Variants in GTF3C2 observed in about 807,000 individuals in gnomAD.
The protein encoded by GTF3C2 is general transcription factor IIIC subunit 2, also known as general transcription factor 3C polypeptide 2.
A neutral mutation model predicts 117.4 loss-of-function variants in GTF3C2; 17 were observed. The ratio of observed to expected loss-of-function variants is 0.14; its 90% CI spans 0.10 to 0.22. GTF3C2 has a LOEUF of 0.22. Among genes scored for constraint, GTF3C2 ranks in the 10% least tolerant of loss-of-function variants. GTF3C2 has a pLI of 1.00. For synonymous variants in GTF3C2, 437 were observed against 427.0 expected, an observed-to-expected ratio of 1.02 and a Z score of -0.29; for missense variants, 888 against 1,143.6, an observed-to-expected ratio of 0.78 and a Z score of 3.22.
chr2:27,333,811 G>A (rs1459345326), intron 11 of GTF3C2, 27 bp from the exon 12 acceptor site: 1 of 1,599,406 alleles, frequency 6.3e-7, no homozygotes, highest in South Asian at 1.1e-5. Context: ...GATGGGACTA[G>A]GGTTAGGGAC....
At position 27,351,873 on chromosome 2, in the gene GTF3C2, GC is replaced by G. The variant is rs368405936; in HGVS notation, c.-25+4865del. 2.7e-4 allele frequency among the ~76,000 whole-genome samples: 41 copies of G among 152,052 alleles called. No individual in the cohort carries two copies. The South Asian group carries it at 7.5e-3, about 28-fold the overall frequency. On this transcript the variant is annotated intron_variant, in intron 1 of 18. Transcript: ENST00000264720. ...CACTTGCAGACCAACAGTCCCACAC[GC>G]CCCCCATCTTGTAAAAATCTTGTTC...
chr2:27,337,776 T>C (rs949738008), intron 5 of GTF3C2, 150 bp downstream of exon 5: 12 of 709,378 alleles, frequency 1.7e-5, no homozygotes, highest in Admixed American at 4.2e-5. Flanking sequence ...TCTAGAGCTC[T>C]TGCCTCTAGA....
chr2:27,328,176 G>A, exon 17 of GTF3C2: 1 of 1,582,770 alleles, frequency 6.3e-7, no homozygotes, highest in Non-Finnish European at 8.6e-7. Context: ...TATCAGATCT[G>A]CTTTATATAT....
intron 12 of GTF3C2, among the ~76,000 whole-genome samples, chr2:27,330,141 A>AG (rs1680227385): frequency 4.3e-5 from 2 of 46,740 alleles, no homozygotes; most frequent in South Asian, 1.2e-3. Flanking sequence ...ACTCCGTCTC[A>AG]AAAAAAAAAA....
intron 1 of GTF3C2, among the ~76,000 whole-genome samples, chr2:27,349,728 T>A (rs1197603011): frequency 6.6e-6 from 1 of 151,778 alleles, no homozygotes; most frequent in East Asian, 1.9e-4. Context: ...AACCTCTGCC[T>A]CCTGGGTTCA....
chr2:27,340,053 C>G (rs1680667202), intron 4 of GTF3C2: 1 of 151,682 alleles, frequency 6.6e-6, no homozygotes. Context: ...CCACCTTTGC[C>G]CCTCCCACAT....
chr2:27,351,872 C>T (rs985208930), intron 1 of GTF3C2, among the ~76,000 whole-genome samples: 2 of 151,988 alleles, frequency 1.3e-5, no homozygotes, highest in Non-Finnish European at 1.5e-5. Flanking sequence ...CAGTCCCACA[C>T]GCCCCCCATC....
At chr2:27,327,246 C>T in exon 18 of GTF3C2, 1 of 1,609,632 alleles carries the variant, frequency 6.2e-7, no homozygotes, top group East Asian at 2.2e-5. Flanking sequence ...CCTGCATGCG[C>T]AGCATTGGTT....
At chr2:27,325,997 A>C (rs1167741236) in exon 19 of GTF3C2, 2 of 253,220 alleles carry the variant, frequency 7.9e-6, no homozygotes, top group South Asian at 3.8e-5. Flanking sequence ...ATACTCTCTG[A>C]CTTGATATAA....
exon 2 of GTF3C2, chr2:27,343,483 G>C (rs747876286): frequency 7.4e-6 from 12 of 1,614,082 alleles, no homozygotes; most frequent in Non-Finnish European, 1.0e-5. Context: ...GTCCAGGAGA[G>C]TCTACCACAG....
intron 12 of GTF3C2, among the ~76,000 whole-genome samples, chr2:27,332,804 C>G (rs1680324938): frequency 6.6e-6 from 1 of 151,590 alleles, no homozygotes; most frequent in Non-Finnish European, 1.5e-5. Flanking sequence ...CAACCTCCGT[C>G]TCCCAGCTTC....
In GTF3C2 at chr2:27,335,821, C is replaced by T. The variant is rs568613417; in HGVS notation, c.1467+96G>A. On this transcript the variant is annotated intron_variant, in intron 9 of 18. Coordinates refer to ENST00000264720, the Ensembl canonical transcript of GTF3C2. Reference sequence around the variant, plus strand: ...GTTGCTGGAAAAACTCCATCCACTACACTCCAACCTTCGTTCCTTCAACTC... The same window carrying T: ...GTTGCTGGAAAAACTCCATCCACTATACTCCAACCTTCGTTCCTTCAACTC... The T allele has an allele frequency of 6.6e-5, 71 of 1,069,852 alleles. No homozygotes were observed. In the African/African-American group the frequency reaches 9.2e-4, roughly 14 times the overall value. 66.3% of individuals were successfully genotyped at this position (1,069,852 alleles called of 1,614,324 possible).
intron 1 of GTF3C2, among the ~76,000 whole-genome samples, chr2:27,355,520 C>CAAA (rs760768422): frequency 4.7e-5 from 6 of 128,410 alleles, no homozygotes; most frequent in African/African-American, 1.7e-4. Context: ...AACTCCGTAT[C>CAAA]AAAAAAAAAA....
intron 7 of GTF3C2, 21 bp downstream of exon 7, chr2:27,337,223 G>A (rs369886994): frequency 3.6e-6 from 5 of 1,399,440 alleles, no homozygotes; most frequent in Non-Finnish European, 3.0e-6. Context: ...TCAGAAAAAA[G>A]GGCGGATGTG....
chr2:27,336,604 C>T lies in GTF3C2; in HGVS notation c.1128-179G>A, dbSNP rs1680487742. The T allele has an allele frequency of 6.9e-6, 4 of 576,210 alleles. No homozygotes were observed. In the South Asian group the frequency reaches 8.8e-5, roughly 13 times the overall value. 35.7% of individuals were successfully genotyped at this position (576,210 alleles called of 1,614,324 possible). On this transcript the variant is annotated intron_variant, in intron 7 of 18. Coordinates refer to ENST00000264720, the Ensembl canonical transcript of GTF3C2. ...ACTTGTATCTTCCTCCTTTCCTTCC[C>T]AAAGTCTGTCTTATATTATTATTAT...
Position 27,338,028 on chromosome 2 carries a change from T to A in GTF3C2, c.856-8A>T. On this transcript the variant is annotated splice_polypyrimidine_tract_variant and splice_region_variant and intron_variant, in intron 4 of 18. Coordinates refer to ENST00000264720, the Ensembl canonical transcript of GTF3C2. Reference sequence around the variant, plus strand: ...GCAGTGTGGTTTCTGTTTCTGAGGATCAAATTGAAGAAAATATAAGGGAGC... The same window carrying A: ...GCAGTGTGGTTTCTGTTTCTGAGGAACAAATTGAAGAAAATATAAGGGAGC... 6.4e-7 allele frequency: 1 copy of A among 1,571,402 alleles called. No individual in the cohort carries two copies. Among genetic ancestry groups the A allele is most frequent in the African/African-American group, 1.3e-5 (1 of 74,150 alleles).
At chr2:27,328,675 G>C (rs1017781504) in intron 15 of GTF3C2, 79 bp from the exon 16 acceptor site, 1 of 1,258,832 alleles carries the variant, frequency 7.9e-7, no homozygotes, top group Non-Finnish European at 1.1e-6. Flanking sequence ...CAGTCTGAGA[G>C]ACAGACACAC....
In GTF3C2 at chr2:27,329,043, C is replaced by A; in HGVS notation, c.2039+78G>T. ...GTGAACCAACTCTCTACCCTCCTCT[C>A]CCCACAACAATCTGGCATGCTTTGC... On this transcript the variant is annotated intron_variant, in intron 14 of 18. Coordinates refer to ENST00000264720, the Ensembl canonical transcript of GTF3C2. The surrounding 1 kb of genome is among the most constrained non-coding windows in gnomAD (Gnocchi z 4.5). 6.5e-7 allele frequency: 1 copy of A among 1,527,412 alleles called. No homozygotes were observed. 94.6% of individuals were successfully genotyped at this position (1,527,412 alleles called of 1,614,324 possible). A position where few individuals can be genotyped will look rare whatever the true frequency, so the allele number is the denominator to read the frequency against.
chr2:27,334,002 G>A lies in GTF3C2; in HGVS notation c.1577-3C>T. ...ATATATGGCAGGCTTCACTGCATCT[G>A]TGAGGAAAAAGAGCAGGAACTAACT... On this transcript the variant is annotated splice_polypyrimidine_tract_variant and splice_region_variant and intron_variant, in intron 10 of 18. Coordinates refer to ENST00000264720, the Ensembl canonical transcript of GTF3C2. 1 of 1,607,934 alleles carries A rather than the reference G, an allele frequency of 6.2e-7. No individual in the cohort carries two copies. Among genetic ancestry groups the A allele is most frequent in the Non-Finnish European group, 8.5e-7 (1 of 1,174,712 alleles).
Sources: gnomAD v4.1 joint callset for allele counts (sites outside exome capture counted in the v4.1 genomes callset) on GRCh38, gnomAD v4.1.1 for gene constraint, Gnocchi (gnomAD v3.1) non-coding constraint, MANE v1.5 for transcripts, NCBI Gene and HGNC (gene_info 2026-07-23, HGNC 2026-07-21) for gene names.